PSMD14: variants seen among roughly 807,000 people sequenced by gnomAD.
PSMD14 encodes ubiquitin C-terminal hydrolase PSMD14.
Under a neutral mutation model 41.2 loss-of-function variants are expected in PSMD14, and 7 were observed. The observed-to-expected ratio is 0.17, with a 90% CI of 0.10 to 0.32. The LOEUF is 0.32. Ranked by LOEUF, PSMD14 falls within the 10% of genes least tolerant of loss-of-function variation. PSMD14 has a pLI of 1.00. For synonymous variants in PSMD14, 114 were observed against 122.3 expected (o/e 0.93, Z 0.45); for missense variants, 139 against 375.6 (o/e 0.37, Z 5.21).
chr2:161,381,452 A>G (rs1474167943), intron 7 of PSMD14: 1 of 151,838 alleles, frequency 6.6e-6, no homozygotes, highest in Non-Finnish European at 1.5e-5. Context: ...AGAGAGAAAA[A>G]AATTACAGCT....
chr2:161,325,928 G>A (rs944151341), intron 3 of PSMD14, among the ~76,000 whole-genome samples: 1 of 152,172 alleles, frequency 6.6e-6, no homozygotes, highest in African/African-American at 2.4e-5. Context: ...TGATGCTGAA[G>A]CAGTGGTAGC....
intron 6 of PSMD14, 33 bp from the exon 7 acceptor site, chr2:161,371,139 G>C: frequency 6.2e-7 from 1 of 1,604,236 alleles, no homozygotes; most frequent in African/African-American, 1.3e-5. Flanking sequence ...TACTTGTTCT[G>C]TTCTGAGCAT....
At chr2:161,334,790 TGA>T (rs2105238321) in intron 3 of PSMD14, among the ~76,000 whole-genome samples, 1 of 152,408 alleles carries the variant, frequency 6.6e-6, no homozygotes, top group Non-Finnish European at 1.5e-5. Flanking sequence ...GGCGAACTCC[TGA>T]GCTCAAGTGA....
At chr2:161,344,118 G>A (rs532689012) in intron 3 of PSMD14, among the ~76,000 whole-genome samples, 1 of 148,570 alleles carries the variant, frequency 6.7e-6, no homozygotes, top group South Asian at 2.3e-4. Context: ...TTGGTGCGGG[G>A]GGGTGGGGAG....
At chr2:161,360,727 G>A (rs1014993050) in intron 3 of PSMD14, among the ~76,000 whole-genome samples, 15 of 151,934 alleles carry the variant, frequency 9.9e-5, no homozygotes, top group African/African-American at 2.9e-4. Context: ...TAGTAGAGAC[G>A]GGGTTTCACC....
chr2:161,347,941 T>A (rs1030734617), intron 3 of PSMD14, among the ~76,000 whole-genome samples: 1 of 152,218 alleles, frequency 6.6e-6, no homozygotes, highest in African/African-American at 2.4e-5. Flanking sequence ...GGGAAAGTTT[T>A]ATCTAACATA....
intron 11 of PSMD14, 142 bp from the exon 12 acceptor site, chr2:161,411,160 A>G (rs981732100): frequency 5.4e-5 from 28 of 517,670 alleles, no homozygotes; most frequent in Non-Finnish European, 9.3e-5. Context: ...ATGTAACAAT[A>G]TACTAGTAAA....
chr2:161,365,209 C>T (rs1170180036), intron 3 of PSMD14, among the ~76,000 whole-genome samples: 2 of 152,154 alleles, frequency 1.3e-5, no homozygotes, highest in African/African-American at 2.4e-5. Context: ...GAAGAAAATC[C>T]ATTGTGAGTT....
intron 8 of PSMD14, among the ~76,000 whole-genome samples, chr2:161,389,889 G>GTTTTT (rs1162637393): frequency 1.5e-4 from 3 of 20,044 alleles, no homozygotes; most frequent in African/African-American, 3.1e-4. Flanking sequence ...CTTTTTTGTT[G>GTTTTT]TTTTTTTTTT....
At chr2:161,389,086 T>C (rs1302759650) in intron 8 of PSMD14, among the ~76,000 whole-genome samples, 6 of 152,216 alleles carry the variant, frequency 3.9e-5, no homozygotes, top group Non-Finnish European at 7.3e-5. Flanking sequence ...TTTATCTATA[T>C]AATGTAATTG....
intron 7 of PSMD14, among the ~76,000 whole-genome samples, chr2:161,372,364 T>C (rs1166962576): frequency 1.3e-5 from 2 of 152,108 alleles, no homozygotes; most frequent in Non-Finnish European, 2.9e-5. Context: ...TACATTTATA[T>C]CTGCTCACCA....
chr2:161,404,952 A>G (rs1683929784), intron 10 of PSMD14, among the ~76,000 whole-genome samples: 1 of 152,146 alleles, frequency 6.6e-6, no homozygotes, highest in Non-Finnish European at 1.5e-5. Flanking sequence ...ACAACTTTGA[A>G]ATCTCTTCAT....
chr2:161,368,523 G>A (rs1300660899), intron 5 of PSMD14, among the ~76,000 whole-genome samples: 1 of 151,798 alleles, frequency 6.6e-6, no homozygotes, highest in Non-Finnish European at 1.5e-5. Flanking sequence ...TTGCCTTTTT[G>A]TTTGATGCAT....
chr2:161,379,512 TTTATGTGTCAGGTGTCTC>T (rs1425202275), intron 7 of PSMD14, among the ~76,000 whole-genome samples: 1 of 152,080 alleles, frequency 6.6e-6, no homozygotes, highest in African/African-American at 2.4e-5. Flanking sequence ...TTTCCTATTT[TTTATGTGTCAGGTGTCTC>T]TTGATGTAAA....
intron 10 of PSMD14, among the ~76,000 whole-genome samples, chr2:161,406,012 CA>C (rs1246618678): frequency 2.0e-5 from 3 of 152,030 alleles, no homozygotes; most frequent in African/African-American, 7.2e-5. Context: ...ACAAAAACAA[CA>C]AAAAATCCAT....
intron 1 of PSMD14, among the ~76,000 whole-genome samples, chr2:161,314,994 A>C (rs192585298): frequency 4.0e-4 from 61 of 152,346 alleles, no homozygotes; most frequent in African/African-American, 1.4e-3. Context: ...AACTGTTCCC[A>C]GCACTCATTG....
chr2:161,341,393 T>G (rs1340463962), intron 3 of PSMD14: 1 of 757,100 alleles, frequency 1.3e-6, no homozygotes. Context: ...CCGTCCTTTG[T>G]TAATGAATTT....
intron 3 of PSMD14, among the ~76,000 whole-genome samples, chr2:161,342,388 G>T (rs1366561620): frequency 1.3e-5 from 2 of 151,804 alleles, no homozygotes; most frequent in South Asian, 2.1e-4. Context: ...TTTTCTGCAT[G>T]TATCGAGATG....
At chr2:161,379,358 C>T (rs922001513) in intron 7 of PSMD14, among the ~76,000 whole-genome samples, 7 of 151,860 alleles carry the variant, frequency 4.6e-5, no homozygotes, top group Admixed American at 1.3e-4. Flanking sequence ...GTAGAAACAC[C>T]GATCATGCAG....
Sources: gnomAD v4.1 joint callset for allele counts (sites outside exome capture counted in the v4.1 genomes callset) on GRCh38, gnomAD v4.1.1 for gene constraint, MANE v1.5 for transcripts, NCBI Gene and HGNC (gene_info 2026-07-23, HGNC 2026-07-21) for gene names.